AKR1C4: variants seen among roughly 807,000 people sequenced by gnomAD.
The protein encoded by AKR1C4 is 3-alpha-HSD1.
A neutral mutation model predicts 41.0 loss-of-function variants in AKR1C4; 44 were observed. The observed-to-expected ratio is 1.07, with a 90% confidence interval of 0.84 to 1.38. The LOEUF (loss-of-function observed/expected upper bound fraction) is 1.38. Among genes scored for constraint, AKR1C4 ranks in the 40% most tolerant of loss-of-function variants. AKR1C4 has a pLI of 0.00. For synonymous variants in AKR1C4, 165 were observed against 137.7 expected (o/e 1.20, Z -1.39); for missense variants, 438 against 387.9 (o/e 1.13, Z -1.09).
rs367996395 is a variant in AKR1C4 at position 5,196,940 on chromosome 10, G to T, written c.73G>T (p.Ala25Ser). ...FMPVLGFGTY[A>S]PPEVPRNRAV... is the part of the protein sequence containing the mutation. Reference sequence around the variant, plus strand: ...GCCCGTATTGGGATTTGGCACCTATGCACCTCCAGAGGTAATAATCACATT... The same window carrying T: ...GCCCGTATTGGGATTTGGCACCTATTCACCTCCAGAGGTAATAATCACATT... Residue 25 changes from alanine to serine, a missense_variant, in exon 1 of 9, where the codon GCA becomes TCA. By Grantham distance (99) the Ala-to-Ser change is moderately conservative. Coordinates refer to ENST00000263126, the MANE Select transcript of AKR1C4 (RefSeq NM_001818.5). The T allele has an allele frequency of 7.4e-6, 12 of 1,613,802 alleles. No individual in the cohort carries two copies. The highest frequency in any genetic ancestry group is 1.6e-4 in the Middle Eastern group (1 of 6,080).
Position 5,206,398 on chromosome 10 carries a change from G to T in AKR1C4, c.570+1G>T, listed in dbSNP as rs781817169. ...CAAGTACAAGCCTGTCTGCAACCAG[G>T]TGAGCACCCTCAGCCTCCTCTCCTT... is the stretch of plus-strand genomic sequence containing the variant. On this transcript the variant is annotated splice_donor_variant, in intron 5 of 8. Coordinates refer to ENST00000263126, the MANE Select transcript of AKR1C4 (RefSeq NM_001818.5). LOFTEE classifies it high-confidence loss of function. 3 of 1,614,000 alleles carry T rather than the reference G, an allele frequency of 1.9e-6. No homozygotes were observed. Among genetic ancestry groups the T allele is most frequent in the Non-Finnish European group, 8.5e-7 (1 of 1,179,944 alleles).
chr10:5,212,556 C>G, intron 5 of AKR1C4, 60 bp from the exon 6 acceptor site: 1 of 1,406,706 alleles, frequency 7.1e-7, no homozygotes, highest in South Asian at 1.3e-5. Flanking sequence ...TTATTTTAAT[C>G]TTTATATTAA....
intron 7 of AKR1C4, among the ~76,000 whole-genome samples, chr10:5,215,242 T>C (rs1832638173): frequency 6.6e-6 from 1 of 152,180 alleles, no homozygotes; most frequent in Non-Finnish European, 1.5e-5. Context: ...TGGATATTTG[T>C]CTCCTTCTAA....
At chr10:5,214,637 AG>A (rs1317710255) in intron 7 of AKR1C4, among the ~76,000 whole-genome samples, 1 of 152,164 alleles carries the variant, frequency 6.6e-6, no homozygotes, top group Admixed American at 6.5e-5. Context: ...ATGTTTTCCT[AG>A]ATTTATTCAT....
intron 7 of AKR1C4, among the ~76,000 whole-genome samples, chr10:5,214,380 TA>T (rs1832624237): frequency 6.6e-6 from 1 of 150,512 alleles, no homozygotes; most frequent in African/African-American, 2.4e-5. Context: ...GTCTCTTATA[TA>T]ATAATGGCTT....
At chr10:5,201,906 A>C (rs1832404976) in intron 2 of AKR1C4, among the ~76,000 whole-genome samples, 1 of 152,148 alleles carries the variant, frequency 6.6e-6, no homozygotes, top group East Asian at 1.9e-4. Context: ...TTTGTTGAAC[A>C]AAGATTAGTA....
chr10:5,213,534 T>C (rs797038645), intron 7 of AKR1C4, among the ~76,000 whole-genome samples: 4 of 152,356 alleles, frequency 2.6e-5, no homozygotes, highest in African/African-American at 9.6e-5. Flanking sequence ...ATATATTTAT[T>C]CTCTTAGAAT....
At chr10:5,208,397 A>G (rs1832521118) in intron 5 of AKR1C4, among the ~76,000 whole-genome samples, 1 of 151,622 alleles carries the variant, frequency 6.6e-6, no homozygotes, top group African/African-American at 2.4e-5. Flanking sequence ...GTTTTACTCA[A>G]TTATTATTAT....
intron 5 of AKR1C4, 85 bp downstream of exon 5, chr10:5,206,482 C>T (rs1554797505): frequency 1.3e-6 from 2 of 1,587,430 alleles, no homozygotes; most frequent in African/African-American, 2.7e-5. Context: ...TTTTGTTCCA[C>T]TTACATTTGT....
At chr10:5,197,814 G>A (rs1427262428) in intron 1 of AKR1C4, among the ~76,000 whole-genome samples, 5 of 152,178 alleles carry the variant, frequency 3.3e-5, no homozygotes, top group African/African-American at 9.7e-5. Context: ...CGACAGGAGT[G>A]GTTCACTTTG....
chr10:5,201,447 G>A (rs1416267328), intron 2 of AKR1C4, among the ~76,000 whole-genome samples: 6 of 152,012 alleles, frequency 3.9e-5, no homozygotes, highest in Admixed American at 1.3e-4. Context: ...CTTTTCAACA[G>A]GGTTATTTGT....
intron 2 of AKR1C4, among the ~76,000 whole-genome samples, chr10:5,202,218 G>A (rs1832410234): frequency 6.6e-6 from 1 of 151,776 alleles, no homozygotes; most frequent in African/African-American, 2.4e-5. Context: ...GTATTTTTTT[G>A]TAGAGATCTT....
At chr10:5,212,468 T>C in intron 5 of AKR1C4, 148 bp from the exon 6 acceptor site, 1 of 789,822 alleles carries the variant, frequency 1.3e-6, no homozygotes, top group East Asian at 2.8e-5. Context: ...AGACCAGTAA[T>C]ATAAACTGTA....
In AKR1C4 at chr10:5,200,284, T is replaced by C; in HGVS notation, c.188T>C (p.Leu63Pro). 1 of 1,614,212 alleles carries C rather than the reference T, an allele frequency of 6.2e-7. No homozygotes were observed. The highest frequency in any genetic ancestry group is 8.5e-7 in the Non-Finnish European group (1 of 1,180,000). The change falls in exon 2 of 9, where the codon CTG becomes CCG. Residue 63 changes from leucine (L) to proline (P), a missense_variant. By Grantham distance (98) the Leu-to-Pro change is moderately conservative (BLOSUM62 -3). Transcript: ENST00000263126. Reference protein sequence around the residue: ...YLYNNEEQVGLAIRSKIADGS... With the variant: ...YLYNNEEQVGPAIRSKIADGS... ...TACAATAATGAGGAGCAGGTTGGAC[T>C]GGCCATCCGAAGCAAGATTGCAGAT...
At chr10:5,215,171 G>A (rs1226213185) in intron 7 of AKR1C4, among the ~76,000 whole-genome samples, 10 of 152,108 alleles carry the variant, frequency 6.6e-5, no homozygotes, top group East Asian at 3.9e-4. Flanking sequence ...TATAAGATTC[G>A]GAAGAATCTG....
chr10:5,205,612 G>A, intron 3 of AKR1C4, 145 bp from the exon 4 acceptor site: 1 of 531,182 alleles, frequency 1.9e-6, no homozygotes, highest in Non-Finnish European at 3.3e-6. Context: ...TTAAAACTCT[G>A]TACGTGAAAC....
In AKR1C4 at chr10:5,206,399, T is replaced by C; in HGVS notation, c.570+2T>C. 1.2e-6 allele frequency: 2 copies of C among 1,614,034 alleles called. No individual in the cohort carries two copies. Among genetic ancestry groups the C allele is most frequent in the Non-Finnish European group, 1.7e-6 (2 of 1,179,934 alleles). On this transcript the variant is annotated splice_donor_variant, in intron 5 of 8. Transcript: ENST00000263126. LOFTEE classifies it high-confidence loss of function. ...AAGTACAAGCCTGTCTGCAACCAGG[T>C]GAGCACCCTCAGCCTCCTCTCCTTT...
intron 5 of AKR1C4, chr10:5,207,290 A>G (rs1473138004): frequency 1.6e-5 from 4 of 248,460 alleles, no homozygotes; most frequent in Non-Finnish European, 3.2e-5. Context: ...CTGCTATTCA[A>G]TAAATTTGTA....
chr10:5,203,006 T>G (rs11594428), intron 2 of AKR1C4, among the ~76,000 whole-genome samples: 2 of 150,180 alleles, frequency 1.3e-5, no homozygotes, highest in African/African-American at 4.9e-5. Flanking sequence ...GGTATTGGTA[T>G]TTGGTGATAC....
Sources: allele counts gnomAD v4.1 joint callset (sites outside exome capture counted in the v4.1 genomes callset), GRCh38; gene constraint gnomAD v4.1.1; transcripts MANE v1.5; gene names NCBI Gene and HGNC (gene_info 2026-07-23, HGNC 2026-07-21).